Variants in DNER observed in about 807,000 individuals in gnomAD.
DNER encodes the protein delta/notch like EGF repeat containing, also known as delta and Notch-like epidermal growth factor-related receptor.
A neutral mutation model predicts 78.2 loss-of-function variants in DNER; 33 were observed. The ratio of observed to expected loss-of-function variants is 0.42; its 90% CI spans 0.32 to 0.56. DNER has a LOEUF of 0.56. Ranked by LOEUF, DNER falls within the 20% of genes least tolerant of loss-of-function variation. The probability of loss-of-function intolerance (pLI) is 0.11; values close to 1 mark genes in which losing one functional copy is unlikely to be tolerated. For synonymous variants in DNER, 417 were observed against 384.8 expected, an observed-to-expected ratio of 1.08 and a Z score of -0.98; for missense variants, 918 against 975.3, an observed-to-expected ratio of 0.94 and a Z score of 0.78.
At chr2:229,499,960 A>T (rs1695583367) in intron 6 of DNER, among the ~76,000 whole-genome samples, 1 of 147,006 alleles carries the variant, frequency 6.8e-6, no homozygotes, top group South Asian at 2.2e-4. Flanking sequence ...TTCAAGACAG[A>T]GTCTCACTCT....
At chr2:229,577,851 A>G (rs1697330499) in intron 4 of DNER, among the ~76,000 whole-genome samples, 1 of 152,216 alleles carries the variant, frequency 6.6e-6, no homozygotes, top group South Asian at 2.1e-4. Flanking sequence ...GGAAACAAAG[A>G]TCCTTAAAAA....
intron 1 of DNER, among the ~76,000 whole-genome samples, chr2:229,648,139 T>C (rs1306337346): frequency 6.6e-6 from 1 of 152,208 alleles, no homozygotes; most frequent in Non-Finnish European, 1.5e-5. Context: ...GTCATTTTAG[T>C]GTACTGGGGA....
chr2:229,714,303 G>T lies in DNER; in HGVS notation c.121C>A (p.Pro41Thr). ...GCGCACGGCCCGGGCGCAGACAGGG[G>T]CGCGGCGGGCACCGGGTTGGCCAGG... The part of the protein sequence containing the change: ...SSLANPVPAA[P>T]LSAPGPCAAQ... Residue 41 changes from proline (P) to threonine (T), a missense_variant, in exon 1 of 13, where the codon CCC becomes ACC. Coordinates refer to ENST00000341772, the MANE Select transcript of DNER (RefSeq NM_139072.4). The T allele has an allele frequency of 2.3e-6, 3 of 1,304,344 alleles. No homozygotes were observed. Among genetic ancestry groups the T allele is most frequent in the Non-Finnish European group, 2.9e-6 (3 of 1,031,026 alleles). The allele number at this position is 1,304,344 out of a possible 1,614,324, so 80.8% of individuals were successfully genotyped here. A position where few individuals can be genotyped will look rare whatever the true frequency, so the allele number is the denominator to read the frequency against.
chr2:229,433,184 C>T (rs543208658), intron 8 of DNER, among the ~76,000 whole-genome samples: 7 of 152,270 alleles, frequency 4.6e-5, no homozygotes, highest in East Asian at 3.9e-4. Context: ...GTGATCCGTC[C>T]GCCTTGGCCT....
At chr2:229,620,420 T>C (rs1698233130) in intron 1 of DNER, among the ~76,000 whole-genome samples, 1 of 152,206 alleles carries the variant, frequency 6.6e-6, no homozygotes, top group African/African-American at 2.4e-5. Flanking sequence ...GTTGGCACTC[T>C]CCTTACCCCC....
chr2:229,571,746 A>T (rs1697221839), intron 4 of DNER, among the ~76,000 whole-genome samples: 1 of 151,746 alleles, frequency 6.6e-6, no homozygotes, highest in Non-Finnish European at 1.5e-5. Flanking sequence ...CCCCCCTGAA[A>T]CCGTGGTGTC....
chr2:229,688,183 C>T (rs1026727045), intron 1 of DNER, among the ~76,000 whole-genome samples: 2 of 152,226 alleles, frequency 1.3e-5, no homozygotes, highest in African/African-American at 4.8e-5. Flanking sequence ...GACTGGTCCG[C>T]CCACAGGGAC....
chr2:229,482,518 G>T (rs907565459), intron 6 of DNER, among the ~76,000 whole-genome samples: 9 of 152,118 alleles, frequency 5.9e-5, no homozygotes, highest in Non-Finnish European at 1.0e-4. Context: ...ACCGACCACC[G>T]TGCTGCAGCC....
At chr2:229,714,087 G>A in intron 1 of DNER, 61 bp downstream of exon 1, 1 of 1,239,114 alleles carries the variant, frequency 8.1e-7, no homozygotes, top group East Asian at 3.2e-5. Context: ...AGCAGGGCCG[G>A]CGGGAAGAGG....
chr2:229,383,165 T>G (rs544784785), intron 11 of DNER, among the ~76,000 whole-genome samples: 1 of 152,214 alleles, frequency 6.6e-6, no homozygotes, highest in South Asian at 2.1e-4. Flanking sequence ...CCAACCTAAG[T>G]TTCGTAAGTG....
intron 6 of DNER, among the ~76,000 whole-genome samples, chr2:229,505,116 C>A (rs1385168009): frequency 6.6e-6 from 1 of 151,210 alleles, no homozygotes; most frequent in East Asian, 1.9e-4. Flanking sequence ...CAGACTATGA[C>A]ACAAGCAAAA....
At chr2:229,693,424 C>A (rs1699614152) in intron 1 of DNER, among the ~76,000 whole-genome samples, 1 of 151,874 alleles carries the variant, frequency 6.6e-6, no homozygotes, top group Admixed American at 6.6e-5. Flanking sequence ...TGGGACGCTG[C>A]TGTAAAGATA....
chr2:229,543,156 A>T lies in DNER; in HGVS notation c.993+3791T>A, dbSNP rs542051004. ...CATGTACCCTAAAACTTAAAGTATT[A>T]AAAAAAAAAGAAGAAGAAGAACAAG... On this transcript the variant is annotated intron_variant, in intron 5 of 12. Transcript: ENST00000341772. Among the ~76,000 whole-genome samples, 22 of 146,050 alleles carry T rather than the reference A, an allele frequency of 1.5e-4. 1 individual carries two copies. In the East Asian group the frequency reaches 3.7e-3, roughly 25 times the overall value.
intron 1 of DNER, among the ~76,000 whole-genome samples, chr2:229,681,977 T>A (rs2154217148): frequency 6.6e-6 from 1 of 152,324 alleles, no homozygotes; most frequent in South Asian, 2.1e-4. Flanking sequence ...TGCCAGATCC[T>A]CTGCACGTAT....
chr2:229,583,720 A>G (rs1041182884), intron 4 of DNER, among the ~76,000 whole-genome samples: 3 of 152,260 alleles, frequency 2.0e-5, no homozygotes, highest in Non-Finnish European at 4.4e-5. Flanking sequence ...ACATCCTTTT[A>G]GATAAATCTT....
At chr2:229,561,815 C>G (rs1462382896) in intron 4 of DNER, among the ~76,000 whole-genome samples, 2 of 152,126 alleles carry the variant, frequency 1.3e-5, no homozygotes, top group Non-Finnish European at 2.9e-5. Flanking sequence ...TCCTCTCATG[C>G]CTATAATAAT....
At chr2:229,415,291 T>G (rs1445316057) in intron 9 of DNER, among the ~76,000 whole-genome samples, 2 of 152,118 alleles carry the variant, frequency 1.3e-5, no homozygotes, top group African/African-American at 4.8e-5. Context: ...GTTCTGCCAA[T>G]AACCTAAGGG....
intron 6 of DNER, among the ~76,000 whole-genome samples, chr2:229,478,795 A>AT (rs201776869): frequency 0.073 from 11,083 of 151,266 alleles, 1,217 homozygotes; most frequent in African/African-American, 0.24. Flanking sequence ...GAATCACCCT[A>AT]TTTTTTTTTA....
chr2:229,712,197 T>C lies in DNER; in HGVS notation c.276+1951A>G, dbSNP rs75058798. Among the ~76,000 whole-genome samples, 1,401 of 152,304 alleles carry C rather than the reference T, an allele frequency of 9.2e-3. 23 individuals are homozygous for C. Among genetic ancestry groups the C allele is most frequent in the African/African-American group, 0.032 (1,330 of 41,562 alleles). On this transcript the variant is annotated intron_variant, in intron 1 of 12. Transcript: ENST00000341772. ...CCTCCAATGGGAGCTACAAAAGAAA[T>C]CTGAATCTGTTTTGATCCAGTTGGT... is the stretch of plus-strand genomic sequence containing the variant.
Sources: gnomAD v4.1 joint callset for allele counts (sites outside exome capture counted in the v4.1 genomes callset) on GRCh38, gnomAD v4.1.1 for gene constraint, MANE v1.5 for transcripts, NCBI Gene and HGNC (gene_info 2026-07-23, HGNC 2026-07-21) for gene names.